CADM1: variants seen among roughly 807,000 people sequenced by gnomAD.
CADM1 encodes the protein TSLC-1.
CADM1 carries 15 observed loss-of-function variants against 53.1 expected under a neutral mutation model. The observed-to-expected ratio is 0.28, with a 90% CI of 0.19 to 0.44. The LOEUF (loss-of-function observed/expected upper bound fraction) is 0.44. Ranked by LOEUF, CADM1 falls within the 20% of genes least tolerant of loss-of-function variation. The pLI is 1.00. For synonymous variants in CADM1, 281 were observed against 243.0 expected (o/e 1.16, Z -1.45); for missense variants, 434 against 611.3 (o/e 0.71, Z 3.06).
intron 1 of CADM1, among the ~76,000 whole-genome samples, chr11:115,435,408 A>G (rs1040223101): frequency 6.6e-6 from 1 of 152,156 alleles, no homozygotes; most frequent in African/African-American, 2.4e-5. Flanking sequence ...TAAAAATTAT[A>G]TTAAATTCAA....
At chr11:115,450,158 G>T (rs1166912412) in intron 1 of CADM1, among the ~76,000 whole-genome samples, 3 of 152,106 alleles carry the variant, frequency 2.0e-5, no homozygotes, top group Admixed American at 6.6e-5. Flanking sequence ...CAAAAATAAG[G>T]TCCTTTGCCT....
At chr11:115,495,334 C>T (rs563241977) in intron 1 of CADM1, among the ~76,000 whole-genome samples, 72 of 152,240 alleles carry the variant, frequency 4.7e-4, no homozygotes, top group African/African-American at 1.7e-3. Context: ...AACCCATTCC[C>T]CAAAACTGTC....
At chr11:115,343,428 T>A (rs1945498993) in intron 1 of CADM1, among the ~76,000 whole-genome samples, 1 of 152,096 alleles carries the variant, frequency 6.6e-6, no homozygotes, top group Non-Finnish European at 1.5e-5. Context: ...GGTAAGAAGT[T>A]TATCAAAGAT....
chr11:115,222,401 G>C (rs1941439989), intron 5 of CADM1, among the ~76,000 whole-genome samples: 1 of 152,094 alleles, frequency 6.6e-6, no homozygotes, highest in Non-Finnish European at 1.5e-5. Flanking sequence ...AACTAAAGGA[G>C]GGCAATGTCT....
intron 1 of CADM1, among the ~76,000 whole-genome samples, chr11:115,431,913 A>G (rs186228010): frequency 6.6e-6 from 1 of 150,942 alleles, no homozygotes; most frequent in East Asian, 1.9e-4. Flanking sequence ...TAAATATTAT[A>G]CCATATATAT....
intron 1 of CADM1, among the ~76,000 whole-genome samples, chr11:115,359,393 G>A (rs140995474): frequency 6.6e-6 from 1 of 152,206 alleles, no homozygotes; most frequent in Non-Finnish European, 1.5e-5. Context: ...AAGATGAGAT[G>A]ATATTGCTCG....
At chr11:115,335,218 A>G (rs1945236856) in intron 1 of CADM1, among the ~76,000 whole-genome samples, 1 of 152,142 alleles carries the variant, frequency 6.6e-6, no homozygotes, top group South Asian at 2.1e-4. Flanking sequence ...AATAAAACTG[A>G]TAATATTTTT....
Position 115,403,959 on chromosome 11 carries a change from G to GA in CADM1, c.124+100311dup, listed in dbSNP as rs879527653. On this transcript the variant is annotated intron_variant, in intron 1 of 11. Coordinates refer to ENST00000331581, the MANE Select transcript of CADM1 (RefSeq NM_001301043.2). Reference sequence around the variant, plus strand: ...TTTCAAAAACAAAAGTCAGTTTTTAGAAAAAAAAAAAGTATTTTTTTATGT... The same window carrying GA: ...TTTCAAAAACAAAAGTCAGTTTTTAGAAAAAAAAAAAAGTATTTTTTTATGT... Among the ~76,000 whole-genome samples the GA allele has an allele frequency of 5.1e-3, 719 of 140,606 alleles. 7 individuals carry two copies. Among genetic ancestry groups the GA allele is most frequent in the African/African-American group, 0.017 (639 of 38,450 alleles). 92.2% of individuals were successfully genotyped at this position (140,606 alleles called of 152,430 possible). A position where few individuals can be genotyped will look rare whatever the true frequency, so the allele number is the denominator to read the frequency against.
intron 6 of CADM1, among the ~76,000 whole-genome samples, chr11:115,217,400 G>T (rs955642275): frequency 1.4e-4 from 22 of 152,236 alleles, no homozygotes; most frequent in Admixed American, 2.6e-4. Context: ...AAATATTTCT[G>T]GGAGTCAAGT....
intron 10 of CADM1, among the ~76,000 whole-genome samples, chr11:115,183,086 C>T (rs1939386735): frequency 6.6e-6 from 1 of 152,130 alleles, no homozygotes; most frequent in South Asian, 2.1e-4. Flanking sequence ...GTTGACCTGG[C>T]CCGATCCATT....
chr11:115,239,039 T>C (rs1942118145), intron 2 of CADM1, among the ~76,000 whole-genome samples: 1 of 152,124 alleles, frequency 6.6e-6, no homozygotes, highest in Non-Finnish European at 1.5e-5. Context: ...ATGAGTCCCC[T>C]GAAGCAGGGA....
rs745547300 is a variant in CADM1 at position 115,174,747 on chromosome 11, T to TTA, written c.*1725_*1726dup. 338 of 844,490 alleles carry TTA rather than the reference T, an allele frequency of 4.0e-4. 2 individuals are homozygous for TTA. The highest frequency in any genetic ancestry group is 1.3e-3 in the Admixed American group (21 of 15,912). 52.3% of individuals were successfully genotyped at this position (844,490 alleles called of 1,614,324 possible). ...ACTGAAAATGTAATAGAATATATAT[T>TTA]TATATATATATATAGATCTATCTTT... On this transcript the variant is annotated 3_prime_UTR_variant, in exon 12 of 12. Transcript: ENST00000331581.
At chr11:115,474,020 GCA>G (rs556609456) in intron 1 of CADM1, among the ~76,000 whole-genome samples, 209 of 152,026 alleles carry the variant, frequency 1.4e-3, no homozygotes, top group African/African-American at 4.7e-3. Flanking sequence ...ATATGGACGG[GCA>G]CAGTGGCTCA....
At position 115,169,667 on chromosome 11, in the gene CADM1, A is replaced by C; in HGVS notation, c.*6807T>G. The stretch of plus-strand genomic sequence containing the variant: ...GAAAGAGAAAGAGAGAGAGATGGAT[A>C]GTAATTTCGTCACTAGCTAACAGAG... On this transcript the variant is annotated 3_prime_UTR_variant, in exon 12 of 12. Transcript: ENST00000331581. The C allele has an allele frequency of 2.2e-6, 1 of 456,020 alleles. No homozygotes were observed. Among genetic ancestry groups the C allele is most frequent in the Non-Finnish European group, 4.4e-6 (1 of 226,750 alleles). 28.2% of individuals were successfully genotyped at this position (456,020 alleles called of 1,614,324 possible).
intron 1 of CADM1, among the ~76,000 whole-genome samples, chr11:115,455,479 G>A (rs1294520993): frequency 6.6e-6 from 1 of 151,968 alleles, no homozygotes; most frequent in Non-Finnish European, 1.5e-5. Context: ...AAATAGTAAT[G>A]TACTAAGAAC....
chr11:115,191,702 T>C (rs933170417), intron 9 of CADM1, among the ~76,000 whole-genome samples: 2 of 151,508 alleles, frequency 1.3e-5, no homozygotes, highest in African/African-American at 2.4e-5. Context: ...GAGGCTCAGA[T>C]AGGAGATGGT....
chr11:115,184,592 GAA>G (rs1939456857), intron 10 of CADM1, among the ~76,000 whole-genome samples: 1 of 152,140 alleles, frequency 6.6e-6, no homozygotes, highest in Non-Finnish European at 1.5e-5. Context: ...TGTCTTCTTA[GAA>G]AGTGGACGAG....
chr11:115,466,532 A>G (rs1165273980), intron 1 of CADM1, among the ~76,000 whole-genome samples: 1 of 152,196 alleles, frequency 6.6e-6, no homozygotes, highest in Non-Finnish European at 1.5e-5. Flanking sequence ...GGAAAGAGAA[A>G]ACATGGTGGA....
chr11:115,230,564 A>T (rs1018595669), intron 4 of CADM1, among the ~76,000 whole-genome samples: 2 of 152,184 alleles, frequency 1.3e-5, no homozygotes, highest in African/African-American at 4.8e-5. Context: ...ACTGGCAAAA[A>T]ATGGTCAAAT....
Sources: allele counts gnomAD v4.1 joint callset (sites outside exome capture counted in the v4.1 genomes callset), GRCh38; gene constraint gnomAD v4.1.1; transcripts MANE v1.5; gene names NCBI Gene and HGNC (gene_info 2026-07-23, HGNC 2026-07-21).